LOX: variants seen among roughly 807,000 people sequenced by gnomAD.
The protein encoded by LOX is lysyl oxidase.
A neutral mutation model predicts 50.5 loss-of-function variants in LOX; 12 were observed. That is an observed-to-expected ratio of 0.24 (90% confidence interval 0.15 to 0.38). The LOEUF (loss-of-function observed/expected upper bound fraction) is 0.38. LOX is among the 10% of genes least tolerant of loss of function. LOX has a pLI of 1.00. For missense variants in LOX, 504 were observed against 563.8 expected (o/e 0.89, Z 1.07); for synonymous variants, 254 against 230.6 (o/e 1.10, Z -0.92).
chr5:122,077,932 T>C lies in LOX; in HGVS notation c.54A>G (p.Leu18=), dbSNP rs1263952464. ...LLLGPLQLCA[L]VHCAPPAAGQ... is the part of the protein sequence containing the mutation. The stretch of plus-strand genomic sequence containing the variant: ...CGGCGGCGGGAGGGGCGCAGTGCAC[T>C]AGCGCGCAGAGCTGCAAAGGCCCGA... Residue 18 remains leucine (L), a synonymous_variant, in exon 1 of 7, where the codon CTA becomes CTG. Coordinates refer to ENST00000231004, the MANE Select transcript of LOX (RefSeq NM_002317.7). This position sits in a 1 kb window ranked among gnomAD's most constrained non-coding sequence, Gnocchi z 4.9. 1 of 1,504,314 alleles carries C rather than the reference T, an allele frequency of 6.6e-7. No homozygotes were observed. The highest frequency in any genetic ancestry group is 1.4e-5 in the South Asian group (1 of 71,740). 93.2% of individuals were successfully genotyped at this position (1,504,314 alleles called of 1,614,324 possible).
In LOX at chr5:122,070,111, G is replaced by C; in HGVS notation, c.1189C>G (p.Arg397Gly). Residue 397 changes from arginine (R) to glycine (G), a missense_variant, in exon 6 of 7, where the codon CGC (arginine) becomes GGC (glycine). Around this residue, in one of 2 missense-constraint regions of LOX, gnomAD observed 106 missense variants for 198.1 expected, o/e 0.54. Coordinates refer to ENST00000231004, the MANE Select transcript of LOX (RefSeq NM_002317.7). ...TGTCCTGTGTAGCGAATGTCACAGC[G>C]CACAACATTGTTGGTATAGTCAGAT... ...PESDYTNNVV[R>G]CDIRYTGHHA... is the part of the protein sequence containing the mutation. The C allele has an allele frequency of 6.2e-7, 1 of 1,613,272 alleles. No individual in the cohort carries two copies. The highest frequency in any genetic ancestry group is 8.5e-7 in the Non-Finnish European group (1 of 1,179,378).
Position 122,077,584 on chromosome 5 carries a change from G to A in LOX, c.402C>T (p.Ala134=), listed in dbSNP as rs781065545. 6.2e-7 allele frequency: 1 copy of A among 1,612,722 alleles called. No homozygotes were observed. Among genetic ancestry groups the A allele is most frequent in the Admixed American group, 1.7e-5 (1 of 60,002 alleles). Residue 134 remains alanine (A), a synonymous_variant, in exon 1 of 7, where the codon GCC becomes GCT. Transcript: ENST00000231004. The surrounding 1 kb of genome is among the most constrained non-coding windows in gnomAD (Gnocchi z 4.9). The part of the protein sequence containing the change: ...WFQAGYSTSR[A]REAGASRAEN... ...CCGCGCGCGAGGCGCCAGCTTCGCG[G>A]GCTCTAGATGTCGAGTAGCCAGCTT...
Position 122,078,121 on chromosome 5 carries a change from C to T in LOX, c.-136G>A. On this transcript the variant is annotated 5_prime_UTR_variant, in exon 1 of 7. Transcript: ENST00000231004. ...GGAGCACGGGTATCTCAGTCTCCACCAAGCAATGCCAAGGGTGGGATTCAG... is the reference window on the plus strand; with the variant it reads ...GGAGCACGGGTATCTCAGTCTCCACTAAGCAATGCCAAGGGTGGGATTCAG... The T allele has an allele frequency of 1.3e-6, 1 of 744,496 alleles. No homozygotes were observed. Among genetic ancestry groups the T allele is most frequent in the Non-Finnish European group, 1.9e-6 (1 of 513,232 alleles). 46.1% of individuals were successfully genotyped at this position (744,496 alleles called of 1,614,324 possible). A position where few individuals can be genotyped will look rare whatever the true frequency, so the allele number is the denominator to read the frequency against.
chr5:122,077,054 C>G lies in LOX; in HGVS notation c.632-53G>C. On this transcript the variant is annotated intron_variant, in intron 1 of 6. Coordinates refer to ENST00000231004, the MANE Select transcript of LOX (RefSeq NM_002317.7). This position sits in a 1 kb window ranked among gnomAD's most constrained non-coding sequence, Gnocchi z 4.9. ...CAGTGAAACAACCCGGCGCCCCCCG[C>G]TCCAACTCCCTACCCCTCTAGGTCC... 2 of 1,600,924 alleles carry G rather than the reference C, an allele frequency of 1.2e-6. No homozygotes were observed. The highest frequency in any genetic ancestry group is 1.7e-4 in the Middle Eastern group (1 of 5,980).
At chr5:122,076,505 C>G (rs1754639571) in intron 2 of LOX, among the ~76,000 whole-genome samples, 1 of 152,014 alleles carries the variant, frequency 6.6e-6, no homozygotes, top group African/African-American at 2.4e-5. Context: ...CAAATTTGCC[C>G]CGAATCTTTT....
At position 122,076,887 on chromosome 5, in the gene LOX, C is replaced by T. The variant is rs41478244; in HGVS notation, c.740+6G>A. On this transcript the variant is annotated splice_donor_region_variant and intron_variant, in intron 2 of 6. Coordinates refer to ENST00000231004, the MANE Select transcript of LOX (RefSeq NM_002317.7). ...GGAGCGGGGCCTCAGACATATCAGC[C>T]CGTACCTGGCCAGACAGTTTTCCTC... 1.1e-3 allele frequency: 1,705 copies of T among 1,613,832 alleles called. 6 individuals carry two copies. The African/African-American group carries it at 0.012, about 12-fold the overall frequency.
Position 122,075,528 on chromosome 5 carries a change from C to T in LOX, c.754G>A (p.Ala252Thr). Residue 252 changes from alanine to threonine, a missense_variant, in exon 3 of 7, where the codon GCA becomes ACA. By Grantham distance (58) the Ala-to-Thr change is moderately conservative (BLOSUM62 0). Transcript: ENST00000231004. The part of the protein sequence containing the change: ...ENCLASTAYR[A>T]DVRDYDHRVL... The stretch of plus-strand genomic sequence containing the variant: ...CTGTGATCATAATCTCTGACATCTG[C>T]CCTGTATGCTGTACTGTGATTTTGA... 1.2e-6 allele frequency: 2 copies of T among 1,605,242 alleles called. No individual in the cohort carries two copies. The highest frequency in any genetic ancestry group is 1.7e-6 in the Non-Finnish European group (2 of 1,176,944).
At chr5:122,075,645 C>T (rs761713069) in intron 2 of LOX, 104 bp from the exon 3 acceptor site, 8 of 705,448 alleles carry the variant, frequency 1.1e-5, no homozygotes, top group Non-Finnish European at 1.8e-5. Flanking sequence ...TCCTCCTTTC[C>T]CAACTAGACT....
In LOX at chr5:122,076,953, T is replaced by C; in HGVS notation, c.680A>G (p.Tyr227Cys). 1 of 1,613,868 alleles carries C rather than the reference T, an allele frequency of 6.2e-7. No homozygotes were observed. The highest frequency in any genetic ancestry group is 8.5e-7 in the Non-Finnish European group (1 of 1,179,968). ...ADPYYIQAST[Y>C]VQKMSMYNLR... Reference sequence around the variant, plus strand: ...GTTGTACATGGACATCTTCTGCACGTACGTGGACGCCTGGATGTAGTAGGG... The same window carrying C: ...GTTGTACATGGACATCTTCTGCACGCACGTGGACGCCTGGATGTAGTAGGG... Residue 227 changes from tyrosine (Y) to cysteine (C), a missense_variant, in exon 2 of 7, where the codon TAC becomes TGC. Tyr to Cys is a radical substitution (Grantham distance 194). Transcript: ENST00000231004.
chr5:122,070,629 T>G, intron 4 of LOX, 40 bp from the exon 5 acceptor site: 2 of 1,052,060 alleles, frequency 1.9e-6, no homozygotes, highest in Non-Finnish European at 2.9e-6. Context: ...TTATGGTATG[T>G]GGTCAGACTA....
At chr5:122,066,905 C>A (rs375413174) in intron 6 of LOX, among the ~76,000 whole-genome samples, 156 bp from the exon 7 acceptor site, 1 of 152,234 alleles carries the variant, frequency 6.6e-6, no homozygotes, top group East Asian at 1.9e-4. Context: ...AGTAGTACAT[C>A]ATTTTAATAA....
At chr5:122,070,470 T>G in intron 5 of LOX, 24 bp downstream of exon 5, 1 of 1,279,594 alleles carries the variant, frequency 7.8e-7, no homozygotes, top group Non-Finnish European at 1.1e-6. Context: ...TATCAATATA[T>G]GATATATTTT....
At chr5:122,069,979 T>C in intron 6 of LOX, 74 bp downstream of exon 6, 2 of 1,029,340 alleles carry the variant, frequency 1.9e-6, no homozygotes, top group Non-Finnish European at 3.1e-6. Flanking sequence ...AACAGATACA[T>C]TCTATGTATA....
chr5:122,077,746 G>C lies in LOX; in HGVS notation c.240C>G (p.Ala80=), dbSNP rs1754683962. ...RDPGAAVPGA[A]NASAQQPRTP... ...TGCGGGGCTGCTGGGCGGAGGCGTT[G>C]GCTGCACCAGGGACGGCGGCGCCCG... is the stretch of plus-strand genomic sequence containing the variant. The change falls in exon 1 of 7, where the codon GCC becomes GCG. Residue 80 remains alanine (A), a synonymous_variant. Coordinates refer to ENST00000231004, the MANE Select transcript of LOX (RefSeq NM_002317.7). The surrounding 1 kb of genome is among the most constrained non-coding windows in gnomAD (Gnocchi z 4.9). 8 of 1,565,836 alleles carry C rather than the reference G, an allele frequency of 5.1e-6. No individual in the cohort carries two copies. The highest frequency in any genetic ancestry group is 6.9e-6 in the Non-Finnish European group (8 of 1,160,422).
At position 122,077,494 on chromosome 5, in the gene LOX, G is replaced by A. The variant is rs904395934; in HGVS notation, c.492C>T (p.Asp164=). The A allele has an allele frequency of 6.2e-7, 1 of 1,613,924 alleles. No homozygotes were observed. Among genetic ancestry groups the A allele is most frequent in the African/African-American group, 1.3e-5 (1 of 75,068 alleles). ...LSNLRPPSRV[D]GMVGDDPYNP... ...TGTAAGGGTCGTCGCCCACCATGCC[G>A]TCCACGCGGCTGGGCGGCCGCAGGT... The change falls in exon 1 of 7, where the codon GAC becomes GAT. Residue 164 remains aspartate (D), a synonymous_variant. Coordinates refer to ENST00000231004, the MANE Select transcript of LOX (RefSeq NM_002317.7). This position sits in a 1 kb window ranked among gnomAD's most constrained non-coding sequence, Gnocchi z 4.9.
At chr5:122,076,815 G>T (rs779529468) in intron 2 of LOX, 78 bp downstream of exon 2, 380 of 1,262,502 alleles carry the variant, frequency 3.0e-4, no homozygotes, top group Admixed American at 7.9e-4. Context: ...GCGCGAAGCA[G>T]TAGCAGTCAG....
rs753662323 is a variant in LOX at position 122,077,770 on chromosome 5, C to T, written c.216G>A (p.Pro72=). 88 of 1,548,584 alleles carry T rather than the reference C, an allele frequency of 5.7e-5. 4 individuals are homozygous for T. The Middle Eastern group carries it at 1.2e-3, about 21-fold the overall frequency. ...TGGCTGCACCAGGGACGGCGGCGCC[C>T]GGGTCCCGGCGGCGCTGAGGCTGGT... ...SQYQPQRRRD[P]GAAVPGAANA... The change falls in exon 1 of 7, where the codon CCG becomes CCA. Residue 72 remains proline, a synonymous_variant. Coordinates refer to ENST00000231004, the MANE Select transcript of LOX (RefSeq NM_002317.7). The surrounding 1 kb of genome is among the most constrained non-coding windows in gnomAD (Gnocchi z 4.9).
chr5:122,071,219 G>GTATA (rs34480003), intron 4 of LOX, among the ~76,000 whole-genome samples: 2 of 144,068 alleles, frequency 1.4e-5, no homozygotes, highest in South Asian at 4.4e-4. Flanking sequence ...GTGTGTGTGT[G>GTATA]TATAAAAATT....
At chr5:122,076,831 G>C in intron 2 of LOX, 62 bp downstream of exon 2, 1 of 1,450,860 alleles carries the variant, frequency 6.9e-7, no homozygotes, top group Non-Finnish European at 9.7e-7. Flanking sequence ...GTCAGAACCA[G>C]GCACCAGAGC....
Sources: allele counts gnomAD v4.1 joint callset (sites outside exome capture counted in the v4.1 genomes callset), GRCh38; gene constraint gnomAD v4.1.1; regional missense constraint gnomAD v4.1.1; non-coding constraint Gnocchi (gnomAD v3.1); transcripts MANE v1.5; gene names NCBI Gene and HGNC (gene_info 2026-07-23, HGNC 2026-07-21).